Variants in IBTK observed in about 807,000 individuals in gnomAD.
IBTK encodes the protein inhibitor of Bruton tyrosine kinase.
Under a neutral mutation model 154.9 loss-of-function variants are expected in IBTK, and 83 were observed. The ratio of observed to expected loss-of-function variants is 0.54; its 90% CI spans 0.45 to 0.64. The LOEUF is 0.64. Ranked by LOEUF, IBTK falls within the 30% of genes least tolerant of loss-of-function variation. The pLI, the probability that IBTK is intolerant of heterozygous loss-of-function variation, is 0.00. For synonymous variants in IBTK, 515 were observed against 536.1 expected (o/e 0.96, Z 0.54); for missense variants, 1,332 against 1,584.6 (o/e 0.84, Z 2.71).
At chr6:82,227,590 A>G (rs1270183246) in intron 4 of IBTK, among the ~76,000 whole-genome samples, 1 of 152,126 alleles carries the variant, frequency 6.6e-6, no homozygotes, top group Non-Finnish European at 1.5e-5. Context: ...ATAATTTTAA[A>G]CCTTCAATTC....
At chr6:82,181,121 G>A (rs535049151) in intron 26 of IBTK, among the ~76,000 whole-genome samples, 7 of 152,232 alleles carry the variant, frequency 4.6e-5, no homozygotes, top group African/African-American at 1.2e-4. Flanking sequence ...CAGGTGTGGC[G>A]GCTCATGCCT....
chr6:82,199,755 G>A (rs185844539), intron 21 of IBTK, among the ~76,000 whole-genome samples: 134 of 152,182 alleles, frequency 8.8e-4, no homozygotes, highest in Middle Eastern at 3.4e-3. Flanking sequence ...TGGCATATAA[G>A]AGCCTCCAAA....
intron 25 of IBTK, among the ~76,000 whole-genome samples, chr6:82,186,913 CTTTTTTTT>C (rs138781864): frequency 1.9e-5 from 2 of 103,676 alleles, no homozygotes; most frequent in African/African-American, 3.8e-5. Flanking sequence ...TTATCAAATT[CTTTTTTTT>C]TTTTTTTTTT....
intron 4 of IBTK, among the ~76,000 whole-genome samples, chr6:82,228,103 T>C (rs1770363845): frequency 6.6e-6 from 1 of 152,132 alleles, no homozygotes; most frequent in Non-Finnish European, 1.5e-5. Context: ...CAAGCTCTGA[T>C]ATTCATTATA....
In IBTK at chr6:82,204,847, A is replaced by C; in HGVS notation, c.2611+10T>G. The stretch of plus-strand genomic sequence containing the variant: ...AAAACATATTAATATTCAAACTCAA[A>C]ATTACTCACGTTTTTCAGTTAATGC... On this transcript the variant is annotated intron_variant, in intron 17 of 28. Coordinates refer to ENST00000306270, the MANE Select transcript of IBTK (RefSeq NM_015525.4). The C allele has an allele frequency of 6.6e-7, 1 of 1,514,714 alleles. No individual in the cohort carries two copies. Among genetic ancestry groups the C allele is most frequent in the Non-Finnish European group, 9.1e-7 (1 of 1,104,698 alleles). The allele number at this position is 1,514,714 out of a possible 1,614,324, so 93.8% of individuals were successfully genotyped here.
chr6:82,225,224 C>T lies in IBTK; in HGVS notation c.825+253G>A, dbSNP rs1454856760. Among the ~76,000 whole-genome samples, 5 of 151,940 alleles carry T rather than the reference C, an allele frequency of 3.3e-5. No homozygotes were observed. The South Asian group carries it at 8.3e-4, about 25-fold the overall frequency. ...ACTCAGAAGGCTGAGGCAAGACAAT[C>T]GCTTGAACCCGAGGGGCAGAGGTTG... On this transcript the variant is annotated intron_variant, in intron 6 of 28. Coordinates refer to ENST00000306270, the MANE Select transcript of IBTK (RefSeq NM_015525.4).
intron 2 of IBTK, 106 bp from the exon 3 acceptor site, chr6:82,234,361 A>C: frequency 3.1e-6 from 1 of 323,764 alleles, no homozygotes. Context: ...TTGAGACAGA[A>C]TTTCGCTCTT....
chr6:82,185,729 T>C (rs912706326), intron 25 of IBTK, among the ~76,000 whole-genome samples: 34 of 152,104 alleles, frequency 2.2e-4, no homozygotes, highest in African/African-American at 8.2e-4. Context: ...AATTATATCA[T>C]ATTATATTCA....
rs139444357 is a variant in IBTK, at chr6:82,213,820, C to T, written c.2204+407G>A. Among the ~76,000 whole-genome samples the T allele has an allele frequency of 5.4e-3, 823 of 151,226 alleles. 9 individuals carry two copies. Among genetic ancestry groups the T allele is most frequent in the African/African-American group, 0.019 (789 of 41,136 alleles). The stretch of plus-strand genomic sequence containing the variant: ...AATGGAGGAAAGACATATCCATGTA[C>T]CTCCCCAAAAAAAGGATGGGTAGGG... On this transcript the variant is annotated intron_variant, in intron 12 of 28. Coordinates refer to ENST00000306270, the MANE Select transcript of IBTK (RefSeq NM_015525.4).
At chr6:82,176,793 G>A (rs1014282408) in intron 26 of IBTK, among the ~76,000 whole-genome samples, 13 of 151,922 alleles carry the variant, frequency 8.6e-5, no homozygotes, top group South Asian at 2.1e-4. Context: ...TTCCTGAGAT[G>A]AGTCCCCCAC....
intron 4 of IBTK, among the ~76,000 whole-genome samples, chr6:82,230,096 C>A (rs555678129): frequency 2.6e-5 from 4 of 152,228 alleles, no homozygotes; most frequent in South Asian, 2.1e-4. Context: ...CTGTCCTGGG[C>A]AAACTAGGGA....
Position 82,200,649 on chromosome 6 carries a change from A to G in IBTK, c.2850T>C (p.Tyr950=). Residue 950 remains tyrosine (Y), a synonymous_variant, in exon 20 of 29, where the codon TAT becomes TAC. Coordinates refer to ENST00000306270, the MANE Select transcript of IBTK (RefSeq NM_015525.4). ...AGATATCTCCATCTTCTACTTCCAAATAGCTAATATCTGGTCCATCTTGAT... is the reference window on the plus strand; with the variant it reads ...AGATATCTCCATCTTCTACTTCCAAGTAGCTAATATCTGGTCCATCTTGAT... ...TPYQDGPDIS[Y]LEVEDGDIFL... 6.3e-7 allele frequency: 1 copy of G among 1,599,874 alleles called. No individual in the cohort carries two copies. The highest frequency in any genetic ancestry group is 8.5e-7 in the Non-Finnish European group (1 of 1,174,310).
intron 3 of IBTK, 113 bp downstream of exon 3, chr6:82,234,046 T>C (rs1432856160): frequency 4.3e-6 from 2 of 467,118 alleles, no homozygotes; most frequent in African/African-American, 4.0e-5. Context: ...GAAATTTTCT[T>C]ACCAGTATTC....
At chr6:82,175,090 A>G (rs1202542488) in intron 26 of IBTK, 1 of 436,976 alleles carries the variant, frequency 2.3e-6, no homozygotes, top group Non-Finnish European at 4.6e-6. Flanking sequence ...GGGGAACAGG[A>G]CTGTGTTTCA....
At chr6:82,196,038 GTTA>G (rs1272030437) in intron 22 of IBTK, among the ~76,000 whole-genome samples, 1 of 152,110 alleles carries the variant, frequency 6.6e-6, no homozygotes, top group Non-Finnish European at 1.5e-5. Context: ...TGTCTATAGT[GTTA>G]TTATATTTTA....
At chr6:82,236,313 C>A (rs1770711961) in intron 2 of IBTK, among the ~76,000 whole-genome samples, 1 of 152,130 alleles carries the variant, frequency 6.6e-6, no homozygotes, top group Non-Finnish European at 1.5e-5. Flanking sequence ...ACATATCAGG[C>A]ACTCAAAAAA....
chr6:82,175,287 A>T (rs956622873), intron 26 of IBTK, among the ~76,000 whole-genome samples: 14 of 152,198 alleles, frequency 9.2e-5, no homozygotes, highest in Non-Finnish European at 1.5e-4. Context: ...AGATATAAGT[A>T]CTGAATTACA....
At position 82,247,590 on chromosome 6, in the gene IBTK, A is replaced by G; in HGVS notation, c.-386T>C. On this transcript the variant is annotated 5_prime_UTR_variant, in exon 1 of 29. Transcript: ENST00000306270. Reference sequence around the variant, plus strand: ...TCGCTAGATGAAACTGCGCCGGTGGATTCCGCAGGGTCCACATAGAGCCAC... The same window carrying G: ...TCGCTAGATGAAACTGCGCCGGTGGGTTCCGCAGGGTCCACATAGAGCCAC... The G allele has an allele frequency of 2.5e-6, 1 of 398,800 alleles. No homozygotes were observed. The allele number at this position is 398,800 out of a possible 1,614,324, so 24.7% of individuals were successfully genotyped here.
chr6:82,195,069 A>G (rs1257990246), intron 22 of IBTK, among the ~76,000 whole-genome samples: 1 of 152,212 alleles, frequency 6.6e-6, no homozygotes, highest in East Asian at 1.9e-4. Flanking sequence ...AAGTCAAATA[A>G]TACTGACACC....
Sources: allele counts gnomAD v4.1 joint callset (sites outside exome capture counted in the v4.1 genomes callset), GRCh38; gene constraint gnomAD v4.1.1; transcripts MANE v1.5; gene names NCBI Gene and HGNC (gene_info 2026-07-23, HGNC 2026-07-21).